Variants in NEK4 observed in about 807,000 individuals in gnomAD.
NEK4 encodes serine/threonine-protein kinase Nek4.
Under a neutral mutation model 98.4 loss-of-function variants are expected in NEK4, and 86 were observed. That is an observed-to-expected ratio of 0.87 (90% CI 0.73 to 1.05). The LOEUF is 1.05. NEK4 is among the 50% of genes least tolerant of loss of function. NEK4 has a pLI of 0.00. For missense variants in NEK4, 898 were observed against 950.3 expected, an observed-to-expected ratio of 0.94 and a Z score of 0.72; for synonymous variants, 328 against 342.2, an observed-to-expected ratio of 0.96 and a Z score of 0.46.
chr3:52,732,298 A>G (rs1447490298), intron 15 of NEK4, among the ~76,000 whole-genome samples: 1 of 152,058 alleles, frequency 6.6e-6, no homozygotes, highest in East Asian at 1.9e-4. Context: ...GGTTCATGCC[A>G]TTCTCCTGCC....
At chr3:52,723,539 G>A (rs1462357203) in intron 15 of NEK4, among the ~76,000 whole-genome samples, 1 of 152,038 alleles carries the variant, frequency 6.6e-6, no homozygotes, top group East Asian at 1.9e-4. Context: ...ACCATGCCCG[G>A]TCTGAAAAAA....
intron 15 of NEK4, among the ~76,000 whole-genome samples, chr3:52,730,007 C>G (rs550024551): frequency 6.6e-6 from 1 of 152,230 alleles, no homozygotes; most frequent in Non-Finnish European, 1.5e-5. Flanking sequence ...ACTCGGGAGC[C>G]TGAGGCAGGA....
chr3:52,764,582 G>C (rs1698480326), intron 4 of NEK4, among the ~76,000 whole-genome samples: 1 of 151,576 alleles, frequency 6.6e-6, no homozygotes, highest in African/African-American at 2.4e-5. Context: ...AGTGAGCTGA[G>C]ATTGCACCAC....
Position 52,746,883 on chromosome 3 carries a change from T to C in NEK4, c.1528A>G (p.Ile510Val). Residue 510 changes from isoleucine (I) to valine (V), a missense_variant, in exon 9 of 16, where the codon ATT (isoleucine) becomes GTT (valine). Physicochemically the swap from Ile to Val is conservative, Grantham distance 29. Transcript: ENST00000233027. The stretch of plus-strand genomic sequence containing the variant: ...TGGATTCTGCCCTGTTTTTCTATAA[T>C]ACATTCACCAGCAACTTGATCCTTA... ...HAQDQVAGEC[I>V]IEKQGRIHPD... The C allele has an allele frequency of 6.2e-7, 1 of 1,613,584 alleles. No homozygotes were observed. The highest frequency in any genetic ancestry group is 8.5e-7 in the Non-Finnish European group (1 of 1,179,530).
At position 52,746,721 on chromosome 3, in the gene NEK4, C is replaced by T. The variant is rs2097396699; in HGVS notation, c.1677+13G>A. The T allele has an allele frequency of 3.8e-6, 6 of 1,588,210 alleles. No individual in the cohort carries two copies. Among genetic ancestry groups the T allele is most frequent in the Non-Finnish European group, 5.1e-6 (6 of 1,166,426 alleles). On this transcript the variant is annotated intron_variant, in intron 9 of 15. Coordinates refer to ENST00000233027, the MANE Select transcript of NEK4 (RefSeq NM_003157.6). The stretch of plus-strand genomic sequence containing the variant: ...CCAAAGTCCACCTCCCAAACCAAAG[C>T]AAAATGACTTACAGCAAAGAGATCT...
chr3:52,765,225 C>T (rs1189120030), intron 4 of NEK4, among the ~76,000 whole-genome samples: 1 of 151,898 alleles, frequency 6.6e-6, no homozygotes, highest in Non-Finnish European at 1.5e-5. Flanking sequence ...GCAGCATGTG[C>T]CTGTAATCCC....
At chr3:52,735,517 C>A (rs1383978353) in intron 15 of NEK4, among the ~76,000 whole-genome samples, 3 of 152,192 alleles carry the variant, frequency 2.0e-5, no homozygotes, top group Non-Finnish European at 4.4e-5. Flanking sequence ...TAGTTAAAGT[C>A]TGTGTTTACA....
At chr3:52,734,021 A>T (rs1235283197) in intron 15 of NEK4, among the ~76,000 whole-genome samples, 1 of 152,216 alleles carries the variant, frequency 6.6e-6, no homozygotes, top group African/African-American at 2.4e-5. Context: ...ACGGAAAGGT[A>T]ACCTTACAAA....
chr3:52,721,532 C>T (rs1160245111), intron 15 of NEK4, among the ~76,000 whole-genome samples: 1 of 151,732 alleles, frequency 6.6e-6, no homozygotes, highest in African/African-American at 2.4e-5. Context: ...GTTCAAGACC[C>T]GCCTGGGCAA....
At chr3:52,739,227 C>T (rs940455111) in intron 14 of NEK4, among the ~76,000 whole-genome samples, 2 of 152,048 alleles carry the variant, frequency 1.3e-5, no homozygotes, top group African/African-American at 4.8e-5. Flanking sequence ...GGTGAAACCC[C>T]GCCTCTACCA....
Position 52,752,216 on chromosome 3 carries a change from T to C in NEK4, c.1084A>G (p.Ile362Val), listed in dbSNP as rs1455510068. The C allele has an allele frequency of 2.5e-6, 4 of 1,614,182 alleles. No homozygotes were observed. Among genetic ancestry groups the C allele is most frequent in the Non-Finnish European group, 3.4e-6 (4 of 1,180,022 alleles). The change falls in exon 7 of 16, where the codon ATC becomes GTC. Residue 362 changes from isoleucine (I) to valine (V), a missense_variant. Transcript: ENST00000233027. ...AAGATGTCAATATTTACGCTACTGA[T>C]TGTGGCTAGTTCTGTGGTATTGCTC... Reference protein sequence around the residue: ...DLSNTTELATISSVNIDILPA... With the variant: ...DLSNTTELATVSSVNIDILPA...
chr3:52,748,739 A>G (rs2097400381), intron 8 of NEK4, among the ~76,000 whole-genome samples: 1 of 152,214 alleles, frequency 6.6e-6, no homozygotes, highest in African/African-American at 2.4e-5. Context: ...TTTCAGGATT[A>G]GCTGAAAGAA....
chr3:52,721,363 G>C (rs58528592), intron 15 of NEK4, among the ~76,000 whole-genome samples: 17,023 of 152,156 alleles, frequency 0.11, 2,513 homozygotes, highest in African/African-American at 0.34. Flanking sequence ...TAAAAGGCTG[G>C]TGCCTTTATT....
At chr3:52,714,764 G>A (rs549508643) in intron 15 of NEK4, among the ~76,000 whole-genome samples, 7 of 152,328 alleles carry the variant, frequency 4.6e-5, no homozygotes, top group Admixed American at 1.3e-4. Flanking sequence ...CAGGCTCGGG[G>A]GTGTCTGTTC....
intron 15 of NEK4, among the ~76,000 whole-genome samples, chr3:52,726,214 G>A (rs1276727810): frequency 1.3e-5 from 2 of 152,138 alleles, no homozygotes; most frequent in Non-Finnish European, 1.5e-5. Context: ...GTTTTTAGGT[G>A]TAAAAAACAA....
chr3:52,742,468 A>G (rs2097388068), intron 12 of NEK4, among the ~76,000 whole-genome samples: 1 of 152,202 alleles, frequency 6.6e-6, no homozygotes, highest in African/African-American at 2.4e-5. Flanking sequence ...GGCAGCCTCT[A>G]TTAGTGAAAT....
At chr3:52,723,176 G>A (rs1365363685) in intron 15 of NEK4, among the ~76,000 whole-genome samples, 4 of 152,006 alleles carry the variant, frequency 2.6e-5, no homozygotes, top group Non-Finnish European at 5.9e-5. Context: ...CTGCACTCCA[G>A]ATAGAATGAG....
chr3:52,737,446 G>A, intron 15 of NEK4, 140 bp downstream of exon 15: 1 of 821,238 alleles, frequency 1.2e-6, no homozygotes, highest in East Asian at 2.6e-5. Flanking sequence ...GGTAATGACT[G>A]TACAATGTTG....
chr3:52,763,391 C>T, intron 5 of NEK4, 79 bp downstream of exon 5: 1 of 1,335,948 alleles, frequency 7.5e-7, no homozygotes, highest in Admixed American at 2.4e-5. Flanking sequence ...ACCATTAATT[C>T]TTGCATATGA....
Sources: gnomAD v4.1 joint callset for allele counts (sites outside exome capture counted in the v4.1 genomes callset) on GRCh38, gnomAD v4.1.1 for gene constraint, MANE v1.5 for transcripts, NCBI Gene and HGNC (gene_info 2026-07-23, HGNC 2026-07-21) for gene names.